DLG2: variants seen among roughly 807,000 people sequenced by gnomAD.
The protein encoded by DLG2 is disks large homolog 2.
In DLG2, 45 loss-of-function variants were observed where a neutral mutation model predicts 132.5. The observed-to-expected ratio is 0.34, with a 90% CI of 0.27 to 0.44. The LOEUF (loss-of-function observed/expected upper bound fraction) is 0.44. Ranked by LOEUF, DLG2 falls within the 20% of genes least tolerant of loss-of-function variation. The pLI is 1.00. For missense variants in DLG2, 1,045 were observed against 1,196.9 expected, an observed-to-expected ratio of 0.87 and a Z score of 1.87; for synonymous variants, 424 against 419.6, an observed-to-expected ratio of 1.01 and a Z score of -0.13.
intron 18 of DLG2, chr11:83,682,200 G>A (rs753482157): frequency 1.6e-5 from 16 of 985,220 alleles, no homozygotes; most frequent in Non-Finnish European, 1.9e-5. Flanking sequence ...GAGGCAGGAG[G>A]CACCAAAGGC....
intron 20 of DLG2, among the ~76,000 whole-genome samples, chr11:83,534,139 T>A (rs2095826724): frequency 6.6e-6 from 1 of 152,208 alleles, no homozygotes; most frequent in Admixed American, 6.5e-5. Flanking sequence ...CAGTCAGACA[T>A]GATTGCTCCT....
Position 85,154,640 on chromosome 11 carries a change from G to T in DLG2, c.198C>A (p.Cys66Ter). 2 of 1,496,122 alleles carry T rather than the reference G, an allele frequency of 1.3e-6. No individual in the cohort carries two copies. Among genetic ancestry groups the T allele is most frequent in the Non-Finnish European group, 1.8e-6 (2 of 1,102,438 alleles). The allele number at this position is 1,496,122 out of a possible 1,614,324, so 92.7% of individuals were successfully genotyped here. ...ATGAAGCATTTTCCTTTGATCCACTGCAATCTGTAAGCTAAAATAAAAGTT... is the reference window on the plus strand; with the variant it reads ...ATGAAGCATTTTCCTTTGATCCACTTCAATCTGTAAGCTAAAATAAAAGTT... ...RLQKSSELTD[C>*]SGSKENASCI... The change falls in exon 5 of 28, where the codon TGC becomes TGA. Residue 66 changes from cysteine to a stop codon, truncating the protein, a stop_gained. Coordinates refer to ENST00000376104, the MANE Select transcript of DLG2 (RefSeq NM_001142699.3). LOFTEE classifies it high-confidence loss of function.
At position 83,608,602 on chromosome 11, in the gene DLG2, G is replaced by A. The variant is rs185572525; in HGVS notation, c.1940+24609C>T. On this transcript the variant is annotated intron_variant, in intron 19 of 27. Transcript: ENST00000376104. Reference sequence around the variant, plus strand: ...TATGAGTACTTAAACTACAATTTCTGGTAAACATGTATCATTTTTGCACTA... The same window carrying A: ...TATGAGTACTTAAACTACAATTTCTAGTAAACATGTATCATTTTTGCACTA... 2.0e-3 allele frequency among the ~76,000 whole-genome samples: 301 copies of A among 152,080 alleles called. 2 individuals are homozygous for A. The highest frequency in any genetic ancestry group is 6.6e-3 in the African/African-American group (272 of 41,476).
intron 3 of DLG2, among the ~76,000 whole-genome samples, chr11:85,565,870 T>C (rs565981053): frequency 2.6e-5 from 4 of 152,306 alleles, no homozygotes; most frequent in African/African-American, 9.6e-5. Context: ...GTATATACCA[T>C]GAAGTAGAAT....
intron 8 of DLG2, among the ~76,000 whole-genome samples, chr11:84,239,608 T>C (rs1347301494): frequency 1.3e-5 from 2 of 152,228 alleles, no homozygotes; most frequent in African/African-American, 2.4e-5. Flanking sequence ...TGGCCATCAT[T>C]TGTTGAACAT....
chr11:83,786,510 A>T (rs982723210), intron 18 of DLG2, 180 bp downstream of exon 18: 3 of 549,814 alleles, frequency 5.5e-6, no homozygotes, highest in Non-Finnish European at 9.7e-6. Context: ...TTTTCCTGGA[A>T]GATTAGAGGT....
chr11:84,379,081 T>A lies in DLG2; in HGVS notation c.520-127790A>T, dbSNP rs139166414. On this transcript the variant is annotated intron_variant, in intron 7 of 27. Coordinates refer to ENST00000376104, the MANE Select transcript of DLG2 (RefSeq NM_001142699.3). ...TTTTGAAACTCACCTTCAACCCAAG[T>A]CTCAAAGAATTCCCATAGATAAATA... 4.2e-3 allele frequency among the ~76,000 whole-genome samples: 627 copies of A among 150,898 alleles called. 6 individuals carry two copies. Among genetic ancestry groups the A allele is most frequent in the African/African-American group, 0.014 (588 of 41,200 alleles).
intron 6 of DLG2, among the ~76,000 whole-genome samples, chr11:84,915,871 T>G (rs11828539): frequency 0.069 from 10,522 of 152,240 alleles, 397 homozygotes; most frequent in African/African-American, 0.11. Flanking sequence ...CAAGGCAATG[T>G]GTACAAAAAT....
chr11:85,119,609 G>T (rs754160213), intron 5 of DLG2, among the ~76,000 whole-genome samples: 1 of 151,802 alleles, frequency 6.6e-6, no homozygotes, highest in Non-Finnish European at 1.5e-5. Flanking sequence ...TTTTTCATTG[G>T]CAGATCTTAT....
In DLG2 at chr11:85,021,257, G is replaced by A. The variant is rs2060041158; in HGVS notation, c.357+90404C>T. 6 of 1,292,244 alleles carry A rather than the reference G, an allele frequency of 4.6e-6. No homozygotes were observed. The Admixed American group carries it at 6.8e-5, about 15-fold the overall frequency. 80.0% of individuals were successfully genotyped at this position (1,292,244 alleles called of 1,614,324 possible). On this transcript the variant is annotated intron_variant, in intron 6 of 27. Transcript: ENST00000376104. ...ACAGCCCGAGCAATAGGAGGAGGAG[G>A]AGGAGGTACACGTGCTGGGTGACTG...
chr11:85,377,216 C>G (rs545743210), intron 3 of DLG2, among the ~76,000 whole-genome samples: 1 of 152,208 alleles, frequency 6.6e-6, no homozygotes, highest in South Asian at 2.1e-4. Flanking sequence ...AATGCAAGTA[C>G]AAATTAAATC....
chr11:85,163,129 G>A (rs1308786323), intron 4 of DLG2, among the ~76,000 whole-genome samples: 2 of 151,820 alleles, frequency 1.3e-5, no homozygotes, highest in African/African-American at 4.8e-5. Flanking sequence ...ACTCTGACTG[G>A]CTTTCCTGTA....
intron 3 of DLG2, among the ~76,000 whole-genome samples, chr11:85,446,983 T>C (rs1006915488): frequency 1.3e-5 from 2 of 152,178 alleles, no homozygotes. Flanking sequence ...TTTTACGTTA[T>C]TTAAAAAGAG....
At chr11:83,620,254 T>C (rs1407563577) in intron 19 of DLG2, among the ~76,000 whole-genome samples, 1 of 147,406 alleles carries the variant, frequency 6.8e-6, no homozygotes, top group Non-Finnish European at 1.5e-5. Flanking sequence ...AATGTGATGA[T>C]ATCTTTAAAA....
intron 6 of DLG2, among the ~76,000 whole-genome samples, chr11:85,027,173 CTTTTTTTT>C (rs10571202): frequency 3.2e-4 from 22 of 69,364 alleles, no homozygotes; most frequent in Middle Eastern, 0.011. Context: ...AGTGTGGTCT[CTTTTTTTT>C]TTTTTTTTTT....
At position 85,001,694 on chromosome 11, in the gene DLG2, C is replaced by G. The variant is rs202182195; in HGVS notation, c.357+109967G>C. Among the ~76,000 whole-genome samples, 16 of 152,276 alleles carry G rather than the reference C, an allele frequency of 1.1e-4. No homozygotes were observed. In the East Asian group the frequency reaches 2.5e-3, roughly 24 times the overall value. On this transcript the variant is annotated intron_variant, in intron 6 of 27. Transcript: ENST00000376104. The stretch of plus-strand genomic sequence containing the variant: ...AAACTATAATGATGGACACATGCTA[C>G]TACAAATTTGTATAAACTCATCAAA...
At chr11:85,079,163 A>G (rs1566804664) in intron 6 of DLG2, among the ~76,000 whole-genome samples, 2 of 152,074 alleles carry the variant, frequency 1.3e-5, no homozygotes, top group Non-Finnish European at 2.9e-5. Flanking sequence ...CTGATTGGCA[A>G]TTGTTTGAAA....
chr11:85,531,265 G>C (rs1413760074), intron 3 of DLG2, among the ~76,000 whole-genome samples: 2 of 152,152 alleles, frequency 1.3e-5, no homozygotes, highest in Non-Finnish European at 1.5e-5. Flanking sequence ...CTTGCTGTTG[G>C]AGAGGCTCTT....
chr11:84,657,440 C>T (rs1009436052), intron 6 of DLG2, among the ~76,000 whole-genome samples: 6 of 152,132 alleles, frequency 3.9e-5, no homozygotes, highest in African/African-American at 1.4e-4. Flanking sequence ...GAGACCAGCT[C>T]TATGGCCTAC....
Sources: gnomAD v4.1 joint callset for allele counts (sites outside exome capture counted in the v4.1 genomes callset) on GRCh38, gnomAD v4.1.1 for gene constraint, MANE v1.5 for transcripts, NCBI Gene and HGNC (gene_info 2026-07-23, HGNC 2026-07-21) for gene names.